ASIP: variants seen among roughly 807,000 people sequenced by gnomAD.
The protein encoded by ASIP is agouti signaling protein, also known as agouti-signaling protein.
ASIP carries 11 observed loss-of-function variants against 10.3 expected under a neutral mutation model. The observed-to-expected ratio is 1.07, with a 90% CI of 0.68 to 1.78. The LOEUF is 1.78. Among genes scored for constraint, ASIP ranks in the 40% most tolerant of loss-of-function variants. The pLI, the probability that ASIP is intolerant of heterozygous loss-of-function variation, is 0.00. For synonymous variants in ASIP, 70 were observed against 70.8 expected, an observed-to-expected ratio of 0.99 and a Z score of 0.06; for missense variants, 180 against 169.2, an observed-to-expected ratio of 1.06 and a Z score of -0.35.
At chr20:34,241,186 A>C (rs2122604478), upstream of ASIP, among the ~76,000 whole-genome samples, 1 of 152,224 alleles carries the variant, frequency 6.6e-6, no homozygotes, top group African/African-American at 2.4e-5. Flanking sequence ...TTTTATATGA[A>C]CTGGGTTGCT....
chr20:34,202,403 T>C (rs1173451780), intron 1 of ASIP, among the ~76,000 whole-genome samples: 1 of 152,252 alleles, frequency 6.6e-6, no homozygotes, highest in Non-Finnish European at 1.5e-5. Context: ...TCTGAAACAG[T>C]ACATATGATG....
intron 1 of ASIP, among the ~76,000 whole-genome samples, chr20:34,212,118 A>T (rs944304781): frequency 3.3e-5 from 5 of 151,864 alleles, no homozygotes; most frequent in African/African-American, 1.2e-4. Flanking sequence ...TTTCTTCTGA[A>T]TTTTCTTTCA....
At chr20:34,214,609 C>G (rs6059723) in intron 1 of ASIP, 199,255 of 1,270,962 alleles carry the variant, frequency 0.16, 28,200 homozygotes, top group African/African-American at 0.71. Context: ...TAGTAACTCT[C>G]GTGAAACTTG....
intron 1 of ASIP, among the ~76,000 whole-genome samples, chr20:34,223,318 A>C (rs1373471709): frequency 7.4e-4 from 87 of 117,176 alleles, no homozygotes; most frequent in Middle Eastern, 5.6e-3. Flanking sequence ...TGCCCGGCCG[A>C]GACCCCGTCT....
At chr20:34,196,911 C>G (rs935667385) in intron 1 of ASIP, among the ~76,000 whole-genome samples, 1 of 152,038 alleles carries the variant, frequency 6.6e-6, no homozygotes, top group African/African-American at 2.4e-5. Context: ...GTTCCCCAAA[C>G]TTGTGCTTAT....
chr20:34,226,408 A>G (rs1014668082), intron 1 of ASIP, among the ~76,000 whole-genome samples: 3 of 152,030 alleles, frequency 2.0e-5, no homozygotes, highest in Non-Finnish European at 4.4e-5. Flanking sequence ...GCTGGAGTGC[A>G]GTGGCACGAC....
chr20:34,225,934 C>T (rs2035089900), intron 1 of ASIP, among the ~76,000 whole-genome samples: 1 of 151,928 alleles, frequency 6.6e-6, no homozygotes, highest in Admixed American at 6.6e-5. Context: ...TGCTGTGTCG[C>T]CCAGGCTGGA....
intron 1 of ASIP, among the ~76,000 whole-genome samples, chr20:34,227,920 G>C (rs2035103966): frequency 6.6e-6 from 1 of 152,184 alleles, no homozygotes; most frequent in African/African-American, 2.4e-5. Context: ...AGACAAGTCA[G>C]TAGTTCAGAA....
At chr20:34,240,077 T>C (rs1331696410), upstream of ASIP, among the ~76,000 whole-genome samples, 2 of 151,858 alleles carry the variant, frequency 1.3e-5, no homozygotes, top group Non-Finnish European at 2.9e-5. Context: ...AGGTTGGGAG[T>C]TTTATTAGAG....
the ASIP span, among the ~76,000 whole-genome samples, chr20:34,187,894 CA>C: frequency 6.6e-6 from 1 of 152,114 alleles, no homozygotes; most frequent in South Asian, 2.1e-4. Flanking sequence ...TCTCCAAGTC[CA>C]AAAGGAGAGA....
intron 1 of ASIP, among the ~76,000 whole-genome samples, chr20:34,195,299 T>C (rs539230414): frequency 7.4e-4 from 112 of 152,110 alleles, no homozygotes; most frequent in African/African-American, 2.6e-3. Context: ...AGGGCGTAAA[T>C]GGAACCAGGC....
intron 1 of ASIP, among the ~76,000 whole-genome samples, chr20:34,224,485 G>A (rs2035079057): frequency 6.6e-6 from 1 of 151,818 alleles, no homozygotes; most frequent in East Asian, 1.9e-4. Flanking sequence ...GCTTTTAGAC[G>A]TCAAAAGGGT....
At chr20:34,263,293 G>A (rs771014241) in intron 3 of ASIP, among the ~76,000 whole-genome samples, 6 of 152,206 alleles carry the variant, frequency 3.9e-5, no homozygotes, top group African/African-American at 9.7e-5. Flanking sequence ...GGCCGGATGC[G>A]GTGGCTCACG....
intron 1 of ASIP, among the ~76,000 whole-genome samples, chr20:34,250,868 A>C (rs2035463253): frequency 6.6e-6 from 1 of 152,134 alleles, no homozygotes; most frequent in South Asian, 2.1e-4. Context: ...TGAAGGATTA[A>C]GATACAATAC....
At chr20:34,226,965 A>G (rs1323518744) in intron 1 of ASIP, among the ~76,000 whole-genome samples, 1 of 152,204 alleles carries the variant, frequency 6.6e-6, no homozygotes, top group Non-Finnish European at 1.5e-5. Context: ...CACATCTTCT[A>G]TTGAACTCTC....
At chr20:34,203,376 TAA>T (rs1190778576) in intron 1 of ASIP, among the ~76,000 whole-genome samples, 21 of 151,806 alleles carry the variant, frequency 1.4e-4, no homozygotes, top group Admixed American at 4.6e-4. Context: ...ATTTATTTTA[TAA>T]GTGGCATATA....
intron 1 of ASIP, chr20:34,215,719 T>C (rs2035003638): frequency 1.4e-6 from 2 of 1,448,778 alleles, no homozygotes; most frequent in African/African-American, 1.4e-5. Context: ...GTTCCAGTAC[T>C]TGAAAGCAGA....
intron 3 of ASIP, 53 bp downstream of exon 3, chr20:34,262,946 AAAG>A (rs2035721061): frequency 6.2e-7 from 1 of 1,600,208 alleles, no homozygotes; most frequent in South Asian, 1.1e-5. Context: ...GACTGGACTT[AAAG>A]AAGGAGGACC....
the ASIP span, among the ~76,000 whole-genome samples, chr20:34,189,147 G>A: frequency 3.3e-5 from 5 of 152,184 alleles, no homozygotes; most frequent in African/African-American, 1.2e-4. Context: ...TGAGGTTCAG[G>A]GAGGTTAAAC....
Sources: allele counts gnomAD v4.1 joint callset (sites outside exome capture counted in the v4.1 genomes callset), GRCh38; gene constraint gnomAD v4.1.1; transcripts MANE v1.5; gene names NCBI Gene and HGNC (gene_info 2026-07-23, HGNC 2026-07-21).